MBTPS2: variants seen among roughly 807,000 people sequenced by gnomAD.
MBTPS2 encodes the protein membrane bound transcription factor peptidase, site 2.
Under a neutral mutation model 35.4 loss-of-function variants are expected in MBTPS2, and 2 were observed. The observed-to-expected ratio is 0.06, with a 90% CI of 0.02 to 0.18. The LOEUF (loss-of-function observed/expected upper bound fraction) is 0.18, where lower values mean the gene tolerates loss of function less well. MBTPS2 is among the 10% of genes least tolerant of loss of function. MBTPS2 has a pLI of 1.00. For missense variants in MBTPS2, 244 were observed against 386.5 expected (o/e 0.63, Z 3.09); for synonymous variants, 125 against 140.4 (o/e 0.89, Z 0.77).
Position 21,882,942 on chromosome X carries a change from G to A in MBTPS2, c.*287G>A, listed in dbSNP as rs1395455756. On this transcript the variant is annotated 3_prime_UTR_variant, in exon 11 of 11. Coordinates refer to ENST00000379484, the MANE Select transcript of MBTPS2 (RefSeq NM_015884.4). ...AGCAAGTGCAAATTCATGTAATACC[G>A]TTTTGTCTGATTACATATTGTGTTG... 1.1e-5 allele frequency: 11 copies of A among 965,070 alleles called. No individual in the cohort carries two copies. Among genetic ancestry groups the A allele is most frequent in the South Asian group, 3.1e-5 (1 of 32,640 alleles). The allele number at this position is 965,070 out of a possible 1,213,427, so 79.5% of individuals were successfully genotyped here.
chrX:21,868,836 G>C (rs1200293804), intron 6 of MBTPS2, among the ~76,000 whole-genome samples: 3 of 112,184 alleles, frequency 2.7e-5, no homozygotes, highest in Admixed American at 1.9e-4. Flanking sequence ...TCTACCTGTA[G>C]TTTATTGGTA....
chrX:21,878,891 G>A (rs1304247588), intron 9 of MBTPS2, among the ~76,000 whole-genome samples, 199 bp downstream of exon 9: 2 of 111,602 alleles, frequency 1.8e-5, no homozygotes, highest in Non-Finnish European at 3.8e-5. Context: ...GTAAGGTGGA[G>A]CTGAATCCAT....
chrX:21,844,307 G>A lies in MBTPS2; in HGVS notation c.225-864G>A, dbSNP rs749778182. On this transcript the variant is annotated intron_variant, in intron 2 of 10. Transcript: ENST00000379484. Reference sequence around the variant, plus strand: ...ATGGGCGGATTGCTTCAGCCCAGGAGTTCGAAACCAGCCTGGGTAACATGG... The same window carrying A: ...ATGGGCGGATTGCTTCAGCCCAGGAATTCGAAACCAGCCTGGGTAACATGG... Among the ~76,000 whole-genome samples, 7 of 110,763 alleles carry A rather than the reference G, an allele frequency of 6.3e-5. No homozygotes were observed. In the South Asian group the frequency reaches 2.7e-3, roughly 42 times the overall value.
At chrX:21,858,710 C>A (rs1334135193) in intron 5 of MBTPS2, 1 of 120,039 alleles carries the variant, frequency 8.3e-6, no homozygotes, top group Non-Finnish European at 1.9e-5. Flanking sequence ...GGCAACATGG[C>A]ATAACTCGGT....
At chrX:21,855,781 G>A (rs1263263869) in intron 5 of MBTPS2, among the ~76,000 whole-genome samples, 5 of 107,598 alleles carry the variant, frequency 4.6e-5, no homozygotes, top group African/African-American at 1.4e-4. Flanking sequence ...CCCAGGAGGC[G>A]GAGGTTGCAG....
chrX:21,856,290 TCTGCAGCTCGCGCCTTTC>T, intron 5 of MBTPS2: 1 of 270,323 alleles, frequency 3.7e-6, no homozygotes, highest in Non-Finnish European at 6.0e-6. Flanking sequence ...CGCGCCTTTC[TCTGCAGCTCGCGCCTTTC>T]TCTGCAGCTC....
chrX:21,873,161 A>T (rs1295663494), intron 7 of MBTPS2: 1 of 111,986 alleles, frequency 8.9e-6, no homozygotes, highest in Admixed American at 9.5e-5. Context: ...TCTCTCTCAG[A>T]TGCAGTATTA....
intron 5 of MBTPS2, chrX:21,856,291 C>T (rs1284095410): frequency 3.5e-6 from 1 of 285,419 alleles, no homozygotes; most frequent in Non-Finnish European, 5.7e-6. Context: ...GCGCCTTTCT[C>T]TGCAGCTCGC....
intron 5 of MBTPS2, among the ~76,000 whole-genome samples, chrX:21,866,775 C>G (rs2092940331): frequency 9.0e-6 from 1 of 110,581 alleles, no homozygotes; most frequent in African/African-American, 3.3e-5. Flanking sequence ...ACCTGTAATC[C>G]TAGCGCTTTG....
intron 5 of MBTPS2, among the ~76,000 whole-genome samples, chrX:21,866,662 G>A (rs964547620): frequency 4.5e-5 from 5 of 111,483 alleles, no homozygotes; most frequent in Admixed American, 9.5e-5. Context: ...AACAGATGTC[G>A]TGTTCCTATG....
intron 5 of MBTPS2, among the ~76,000 whole-genome samples, chrX:21,860,906 A>G (rs2092930628): frequency 8.9e-6 from 1 of 112,212 alleles, no homozygotes; most frequent in African/African-American, 3.2e-5. Context: ...TATAATCTTG[A>G]GGTGGAAAAG....
intron 7 of MBTPS2, among the ~76,000 whole-genome samples, chrX:21,877,725 A>G (rs971894910): frequency 2.7e-5 from 3 of 112,040 alleles, no homozygotes; most frequent in African/African-American, 9.7e-5. Context: ...TAGTTCATTA[A>G]ATGTTTGTGC....
At position 21,867,113 on chromosome X, in the gene MBTPS2, G is replaced by A. The variant is rs767543489; in HGVS notation, c.671-1354G>A. Among the ~76,000 whole-genome samples the A allele has an allele frequency of 4.5e-5, 5 of 111,421 alleles. No individual in the cohort carries two copies. In the South Asian group the frequency reaches 1.9e-3, roughly 41 times the overall value. ...CTCAAATTTATCAGAAAGGATAAGG[G>A]GAGAATAACCAAAATAAACAAATTG... On this transcript the variant is annotated intron_variant, in intron 5 of 10. Transcript: ENST00000379484.
At chrX:21,848,639 G>T (rs1316958098) in intron 3 of MBTPS2, among the ~76,000 whole-genome samples, 2 of 108,740 alleles carry the variant, frequency 1.8e-5, no homozygotes, top group Non-Finnish European at 3.8e-5. Flanking sequence ...GAGATCGCGC[G>T]ACTGCACTCC....
chrX:21,862,585 G>A (rs1271360480), intron 5 of MBTPS2, among the ~76,000 whole-genome samples: 1 of 108,012 alleles, frequency 9.3e-6, no homozygotes, highest in Non-Finnish European at 1.9e-5. Context: ...CGAGGCGGGC[G>A]GATCACGAGG....
rs761660561 is a variant in MBTPS2 at position 21,869,696 on chromosome X, A to G, written c.970+18A>G. On this transcript the variant is annotated intron_variant, in intron 7 of 10. Coordinates refer to ENST00000379484, the MANE Select transcript of MBTPS2 (RefSeq NM_015884.4). ...AGTTAGAGGTGTGTATATTTCCTCA[A>G]TATAATATAATGCTTCAAGCACCAG... 36 of 1,121,823 alleles carry G rather than the reference A, an allele frequency of 3.2e-5. No homozygotes were observed. The highest frequency in any genetic ancestry group is 3.8e-5 in the Non-Finnish European group (31 of 814,591). The allele number at this position is 1,121,823 out of a possible 1,213,427, so 92.5% of individuals were successfully genotyped here. A position where few individuals can be genotyped will look rare whatever the true frequency, so the allele number is the denominator to read the frequency against.
Position 21,845,402 on chromosome X carries a change from G to T in MBTPS2, c.438+18G>T, listed in dbSNP as rs372340222. The T allele has an allele frequency of 8.5e-7, 1 of 1,177,284 alleles. No homozygotes were observed. Among genetic ancestry groups the T allele is most frequent in the South Asian group, 1.8e-5 (1 of 54,197 alleles). ...AAGTTGTGGTAAGTATCGTCTTTTC[G>T]CTTTAAATAACTATCGAAATAGAGA... is the stretch of plus-strand genomic sequence containing the variant. On this transcript the variant is annotated intron_variant, in intron 3 of 10. Coordinates refer to ENST00000379484, the MANE Select transcript of MBTPS2 (RefSeq NM_015884.4).
chrX:21,883,531 TGGAA>T lies in MBTPS2; in HGVS notation c.*877_*880del, dbSNP rs1486278017. On this transcript the variant is annotated 3_prime_UTR_variant, in exon 11 of 11. Coordinates refer to ENST00000379484, the MANE Select transcript of MBTPS2 (RefSeq NM_015884.4). ...CCATTCTCTATAGAGCTTTGAAGCT[TGGAA>T]CCCTTCCAGGGTAAACATTTTCTCT... 1 of 751,807 alleles carries T rather than the reference TGGAA, an allele frequency of 1.3e-6. No individual in the cohort carries two copies. The highest frequency in any genetic ancestry group is 1.6e-6 in the Non-Finnish European group (1 of 638,829). 62.0% of individuals were successfully genotyped at this position (751,807 alleles called of 1,213,427 possible). A position where few individuals can be genotyped will look rare whatever the true frequency, so the allele number is the denominator to read the frequency against.
At chrX:21,877,518 C>T (rs1055498749) in intron 7 of MBTPS2, among the ~76,000 whole-genome samples, 2 of 111,372 alleles carry the variant, frequency 1.8e-5, no homozygotes, top group Non-Finnish European at 3.8e-5. Flanking sequence ...GGTGTACAGG[C>T]GGGTATGTGC....
Sources: gnomAD v4.1 joint callset for allele counts (sites outside exome capture counted in the v4.1 genomes callset) on GRCh38, gnomAD v4.1.1 for gene constraint, MANE v1.5 for transcripts, NCBI Gene and HGNC (gene_info 2026-07-23, HGNC 2026-07-21) for gene names.